The following RBM47 variants were observed in gnomAD, a reference collection of about 807,000 sequenced individuals.
The protein encoded by RBM47 is RNA binding motif protein 47.
RBM47 carries 21 observed loss-of-function variants against 47.1 expected under a neutral mutation model. That is an observed-to-expected ratio of 0.45 (90% CI 0.32 to 0.64). The LOEUF is 0.64. RBM47 is among the 30% of genes least tolerant of loss of function. The pLI is 0.05. For missense variants in RBM47, 708 were observed against 870.9 expected (o/e 0.81, Z 2.35); for synonymous variants, 375 against 361.7 (o/e 1.04, Z -0.42).
At chr4:40,579,346 C>G (rs1309920896) in intron 1 of RBM47, among the ~76,000 whole-genome samples, 1 of 139,674 alleles carries the variant, frequency 7.2e-6, no homozygotes, top group Non-Finnish European at 1.5e-5. Context: ...CACTTGAACC[C>G]GGGAGGTGGA....
chr4:40,484,008 G>C (rs1720767291), intron 2 of RBM47, among the ~76,000 whole-genome samples: 1 of 151,992 alleles, frequency 6.6e-6, no homozygotes, highest in South Asian at 2.1e-4. Context: ...ATCCTTATAG[G>C]AATGGTTAAA....
At chr4:40,602,003 T>C (rs1735324536) in intron 1 of RBM47, among the ~76,000 whole-genome samples, 1 of 152,026 alleles carries the variant, frequency 6.6e-6, no homozygotes, top group Non-Finnish European at 1.5e-5. Context: ...ACTCTGTCTC[T>C]ACTAAAAATA....
chr4:40,449,717 C>T (rs1357203499), intron 3 of RBM47, among the ~76,000 whole-genome samples: 2 of 152,130 alleles, frequency 1.3e-5, no homozygotes, highest in African/African-American at 2.4e-5. Context: ...CTCATTCTGT[C>T]GCCCAGGCTG....
At chr4:40,442,306 A>G (rs1187346827) in intron 3 of RBM47, among the ~76,000 whole-genome samples, 1 of 152,222 alleles carries the variant, frequency 6.6e-6, no homozygotes, top group African/African-American at 2.4e-5. Context: ...ACAAGTGAGA[A>G]CCACAATGAG....
At chr4:40,434,797 T>C (rs980326064) in intron 5 of RBM47, among the ~76,000 whole-genome samples, 2 of 151,940 alleles carry the variant, frequency 1.3e-5, no homozygotes, top group African/African-American at 4.8e-5. Context: ...GGCCAATGTG[T>C]ACCTATGTCC....
intron 2 of RBM47, among the ~76,000 whole-genome samples, chr4:40,518,442 C>T (rs1381649320): frequency 2.0e-5 from 3 of 152,146 alleles, no homozygotes; most frequent in Non-Finnish European, 4.4e-5. Flanking sequence ...TCCCAAAGTG[C>T]TGGGACTACA....
intron 1 of RBM47, among the ~76,000 whole-genome samples, chr4:40,549,935 G>A (rs1014537621): frequency 6.6e-6 from 1 of 152,208 alleles, no homozygotes; most frequent in Non-Finnish European, 1.5e-5. Context: ...CTCCCAAAGT[G>A]CTGGGATTAC....
At chr4:40,629,957 A>C (rs1270935709), upstream of RBM47, 1 of 150,828 alleles carries the variant, frequency 6.6e-6, no homozygotes, top group African/African-American at 2.4e-5. Context: ...TCTCTCGTCT[A>C]CTCCCTTCCC....
At chr4:40,611,735 A>C (rs1290648789) in intron 1 of RBM47, among the ~76,000 whole-genome samples, 1 of 150,342 alleles carries the variant, frequency 6.7e-6, no homozygotes, top group East Asian at 1.9e-4. Context: ...TCTCAAAAAA[A>C]ACAAAAACAA....
chr4:40,545,666 A>AAAAT (rs150331418), intron 1 of RBM47, among the ~76,000 whole-genome samples: 16,268 of 133,512 alleles, frequency 0.12, 1,323 homozygotes, highest in African/African-American at 0.23. Context: ...CTCCTTCTCA[A>AAAAT]AAATAAATAA....
At position 40,466,628 on chromosome 4, in the gene RBM47, T is replaced by C. The variant is rs570309906; in HGVS notation, c.-83A>G. 1 of 151,944 alleles carries C rather than the reference T, an allele frequency of 6.6e-6. No individual in the cohort carries two copies. Among genetic ancestry groups the C allele is most frequent in the South Asian group, 2.1e-4 (1 of 4,824 alleles). 9.4% of individuals were successfully genotyped at this position (151,944 alleles called of 1,614,324 possible). A position where few individuals can be genotyped will look rare whatever the true frequency, so the allele number is the denominator to read the frequency against. On this transcript the variant is annotated 5_prime_UTR_variant, in exon 3 of 7. It adds an upstream start codon to the 5' untranslated region. Transcript: ENST00000295971. ...TCCTTTATAAGTCGCAGAACGAGAG[T>C]ATACAGGCAAATTCAGGCAGCTTCC...
chr4:40,443,444 A>G (rs1473742215), intron 3 of RBM47, among the ~76,000 whole-genome samples: 1 of 152,124 alleles, frequency 6.6e-6, no homozygotes, highest in Non-Finnish European at 1.5e-5. Context: ...TGGGCTGGGC[A>G]CAGTGGCTTA....
chr4:40,521,320 C>T (rs1334215482), intron 2 of RBM47, among the ~76,000 whole-genome samples: 2 of 152,090 alleles, frequency 1.3e-5, no homozygotes, highest in African/African-American at 2.4e-5. Flanking sequence ...CCTGCCTCAG[C>T]CTCCCAAGTA....
intron 1 of RBM47, among the ~76,000 whole-genome samples, chr4:40,616,505 A>G (rs1736748997): frequency 6.6e-6 from 1 of 152,088 alleles, no homozygotes; most frequent in African/African-American, 2.4e-5. Flanking sequence ...CTAAAAACAA[A>G]CGGATAAAGC....
intron 2 of RBM47, among the ~76,000 whole-genome samples, chr4:40,527,051 A>G (rs996023041): frequency 6.6e-6 from 1 of 151,934 alleles, no homozygotes; most frequent in Non-Finnish European, 1.5e-5. Context: ...AGAGAATTTA[A>G]TCTGGAAATG....
chr4:40,500,543 C>T (rs1437364412), intron 2 of RBM47, among the ~76,000 whole-genome samples: 1 of 151,684 alleles, frequency 6.6e-6, no homozygotes, highest in African/African-American at 2.4e-5. Flanking sequence ...CCCAGGAGGT[C>T]GAGGCTGCAG....
At chr4:40,609,318 GTTT>G (rs35224098) in intron 1 of RBM47, among the ~76,000 whole-genome samples, 1 of 139,482 alleles carries the variant, frequency 7.2e-6, no homozygotes. Flanking sequence ...ATTTTTATTG[GTTT>G]TTTTTTTTTG....
In RBM47 at chr4:40,424,452, A is replaced by C. The variant is rs1714750992; in HGVS notation, c.*1452T>G. 1 of 152,624 alleles carries C rather than the reference A, an allele frequency of 6.6e-6. No homozygotes were observed. Among genetic ancestry groups the C allele is most frequent in the African/African-American group, 2.4e-5 (1 of 41,458 alleles). 9.5% of individuals were successfully genotyped at this position (152,624 alleles called of 1,614,324 possible). ...CACTGCAACAATACATTAACTTCCT[A>C]ATAAAACAAACCTTTTTAATAACAT... On this transcript the variant is annotated 3_prime_UTR_variant, in exon 7 of 7. Transcript: ENST00000295971.
At chr4:40,523,543 C>T (rs772245929) in intron 2 of RBM47, among the ~76,000 whole-genome samples, 3 of 151,776 alleles carry the variant, frequency 2.0e-5, no homozygotes, top group South Asian at 2.1e-4. Context: ...CCTAGCTACT[C>T]GGGAGACTGA....
Sources: gnomAD v4.1 joint callset for allele counts (sites outside exome capture counted in the v4.1 genomes callset) on GRCh38, gnomAD v4.1.1 for gene constraint, MANE v1.5 for transcripts, NCBI Gene and HGNC (gene_info 2026-07-23, HGNC 2026-07-21) for gene names.